ZFHX3: variants seen among roughly 807,000 people sequenced by gnomAD.
The protein encoded by ZFHX3 is zinc finger homeobox 3.
In ZFHX3, 42 loss-of-function variants were observed where a neutral mutation model predicts 279.1. The ratio of observed to expected loss-of-function variants is 0.15; its 90% CI spans 0.12 to 0.19. ZFHX3 has a LOEUF of 0.19. ZFHX3 is among the 10% of genes least tolerant of loss of function. ZFHX3 has a pLI of 1.00. For synonymous variants in ZFHX3, 2,293 were observed against 1,957.8 expected (o/e 1.17, Z -4.52); for missense variants, 4,981 against 4,754.0 (o/e 1.05, Z -1.40).
At chr16:73,185,675 A>G (rs972947987) in intron 5 of ZFHX3, among the ~76,000 whole-genome samples, 1 of 152,200 alleles carries the variant, frequency 6.6e-6, no homozygotes, top group Non-Finnish European at 1.5e-5. Flanking sequence ...TTTGTAATGT[A>G]TTAAAAATAG....
intron 1 of ZFHX3, among the ~76,000 whole-genome samples, chr16:73,754,055 T>TG (rs1480161969): frequency 8.6e-5 from 13 of 150,882 alleles, no homozygotes; most frequent in Non-Finnish European, 1.6e-4. Flanking sequence ...CCCAAATGTC[T>TG]TGTGTATTTT....
At chr16:73,489,700 T>C (rs1011205418) in intron 2 of ZFHX3, among the ~76,000 whole-genome samples, 17 of 152,226 alleles carry the variant, frequency 1.1e-4, no homozygotes, top group Non-Finnish European at 1.6e-4. Flanking sequence ...CCTTACTTTT[T>C]TTAAAGAGTA....
chr16:72,901,720 T>C (rs1221532527), intron 3 of ZFHX3, among the ~76,000 whole-genome samples: 2 of 152,304 alleles, frequency 1.3e-5, no homozygotes, highest in South Asian at 2.1e-4. Context: ...ATGAGAAAGA[T>C]GGTTCTTTGA....
intron 6 of ZFHX3, among the ~76,000 whole-genome samples, chr16:73,140,047 C>T (rs1307252737): frequency 1.3e-5 from 2 of 152,032 alleles, no homozygotes; most frequent in Admixed American, 6.6e-5. Context: ...GTGGGAGAAT[C>T]GTTGAGGCCA....
intron 1 of ZFHX3, among the ~76,000 whole-genome samples, chr16:73,866,390 G>A (rs1052668580): frequency 2.6e-5 from 4 of 151,456 alleles, no homozygotes; most frequent in African/African-American, 9.7e-5. Flanking sequence ...TGTTGCCCTG[G>A]TGGGTCTTGA....
intron 1 of ZFHX3, among the ~76,000 whole-genome samples, chr16:73,714,438 G>C (rs1431960628): frequency 6.6e-6 from 1 of 152,016 alleles, no homozygotes; most frequent in Non-Finnish European, 1.5e-5. Context: ...ACAGAGACTG[G>C]CTAGATCTGG....
At chr16:72,929,240 A>AT (rs1160193983) in intron 3 of ZFHX3, among the ~76,000 whole-genome samples, 2 of 136,518 alleles carry the variant, frequency 1.5e-5, no homozygotes, top group African/African-American at 5.4e-5. Context: ...GACCCTGTCT[A>AT]AAAAAAAAAA....
chr16:72,971,672 C>G (rs1444580527), intron 1 of ZFHX3, among the ~76,000 whole-genome samples: 2 of 152,030 alleles, frequency 1.3e-5, no homozygotes, highest in African/African-American at 4.8e-5. Context: ...CCAGGAAAGT[C>G]CTTTCCACTC....
chr16:73,210,693 G>A (rs1447564977), intron 5 of ZFHX3, among the ~76,000 whole-genome samples: 1 of 152,174 alleles, frequency 6.6e-6, no homozygotes, highest in Admixed American at 6.5e-5. Context: ...TTTCAAGTCA[G>A]CTCTGCAGAG....
chr16:73,547,049 G>T (rs779738253), intron 2 of ZFHX3, among the ~76,000 whole-genome samples: 7 of 151,996 alleles, frequency 4.6e-5, no homozygotes, highest in Admixed American at 2.6e-4. Flanking sequence ...CTTGAGAGGG[G>T]TCCTTTTCTT....
At chr16:73,633,117 T>C (rs2052493190) in intron 2 of ZFHX3, among the ~76,000 whole-genome samples, 2 of 152,234 alleles carry the variant, frequency 1.3e-5, no homozygotes, top group Admixed American at 1.3e-4. Context: ...ATCTTTGCTG[T>C]ACTTTAATTT....
chr16:73,832,626 C>T (rs557608777), intron 1 of ZFHX3, among the ~76,000 whole-genome samples: 17 of 152,152 alleles, frequency 1.1e-4, no homozygotes, highest in Admixed American at 9.8e-4. Flanking sequence ...TAGCTCACTG[C>T]GGACTTGAAC....
chr16:73,104,215 T>TTTTATGTATGTATGTATTTA (rs1555498879), intron 7 of ZFHX3, among the ~76,000 whole-genome samples: 5 of 87,628 alleles, frequency 5.7e-5, no homozygotes, highest in African/African-American at 2.6e-4. Flanking sequence ...TATGGATTTA[T>TTTTATGTATGTATGTATTTA]TTTATGTATT....
intron 2 of ZFHX3, among the ~76,000 whole-genome samples, chr16:73,510,920 C>G (rs558209962): frequency 2.6e-5 from 4 of 152,368 alleles, no homozygotes; most frequent in Admixed American, 2.6e-4. Context: ...ACCCTACAGT[C>G]TATTCTAGCA....
chr16:73,388,319 C>G (rs538121536), intron 3 of ZFHX3, among the ~76,000 whole-genome samples: 2 of 152,020 alleles, frequency 1.3e-5, no homozygotes, highest in African/African-American at 2.4e-5. Context: ...AAGGAATGGA[C>G]AATTGACAAA....
At chr16:73,421,095 C>T (rs72799471) in intron 3 of ZFHX3, 9,922 of 152,122 alleles carry the variant, frequency 0.065, 408 homozygotes, top group Non-Finnish European at 0.082. Flanking sequence ...GGTAACATGC[C>T]AGTTGATACC....
At chr16:73,784,694 C>T (rs9922022) in intron 1 of ZFHX3, among the ~76,000 whole-genome samples, 12,728 of 151,170 alleles carry the variant, frequency 0.084, 1,834 homozygotes, top group African/African-American at 0.29. Flanking sequence ...TTGCAGTGAG[C>T]CAAGATTGCT....
intron 7 of ZFHX3, among the ~76,000 whole-genome samples, chr16:73,098,334 C>T (rs1039640170): frequency 4.0e-5 from 6 of 151,828 alleles, no homozygotes; most frequent in Non-Finnish European, 7.4e-5. Flanking sequence ...TTCCAAAGTG[C>T]TGGGATTACA....
At chr16:73,244,235 T>C (rs371159223) in intron 5 of ZFHX3, among the ~76,000 whole-genome samples, 63 of 152,226 alleles carry the variant, frequency 4.1e-4, no homozygotes, top group African/African-American at 1.3e-3. Context: ...AGAGTATTCA[T>C]CCTGAGGAGA....
Sources: gnomAD v4.1 joint callset for allele counts (sites outside exome capture counted in the v4.1 genomes callset) on GRCh38, gnomAD v4.1.1 for gene constraint, MANE v1.5 for transcripts, NCBI Gene and HGNC (gene_info 2026-07-23, HGNC 2026-07-21) for gene names.